Variants in CNOT8 observed in about 807,000 individuals in gnomAD.
CNOT8 encodes the protein CAF1-like protein.
Under a neutral mutation model 34.6 loss-of-function variants are expected in CNOT8, and 18 were observed. The observed-to-expected ratio is 0.52, with a 90% confidence interval of 0.36 to 0.77. The LOEUF is 0.77. CNOT8 is among the 30% of genes least tolerant of loss of function. CNOT8 has a pLI of 0.00. For synonymous variants in CNOT8, 101 were observed against 118.8 expected, an observed-to-expected ratio of 0.85 and a Z score of 0.98; for missense variants, 189 against 347.9, an observed-to-expected ratio of 0.54 and a Z score of 3.63.
chr5:154,864,537 CCTGT>C (rs1290381440), intron 2 of CNOT8, among the ~76,000 whole-genome samples: 2 of 151,896 alleles, frequency 1.3e-5, no homozygotes, highest in African/African-American at 4.8e-5. Flanking sequence ...TCAAGCTAAG[CCTGT>C]CTCTTTATAT....
intron 1 of CNOT8, among the ~76,000 whole-genome samples, chr5:154,860,847 T>A (rs1356292678): frequency 6.6e-6 from 1 of 152,196 alleles, no homozygotes; most frequent in Non-Finnish European, 1.5e-5. Flanking sequence ...GCCAGATATG[T>A]ATAACAGTGG....
At chr5:154,870,094 C>T (rs1762333609) in intron 3 of CNOT8, among the ~76,000 whole-genome samples, 1 of 152,138 alleles carries the variant, frequency 6.6e-6, no homozygotes, top group Non-Finnish European at 1.5e-5. Context: ...CTTGCTCTGT[C>T]ACCTAGACTA....
chr5:154,867,735 GCT>G, intron 3 of CNOT8: 3 of 254,400 alleles, frequency 1.2e-5, no homozygotes, highest in Non-Finnish European at 1.6e-5. Context: ...TGTTGCTTGA[GCT>G]AAAAGACATA....
chr5:154,863,484 C>T (rs1761554630), intron 2 of CNOT8, 89 bp downstream of exon 2: 1 of 899,990 alleles, frequency 1.1e-6, no homozygotes, highest in Non-Finnish European at 1.9e-6. Context: ...GGTGGCTATT[C>T]ACAGATGCAA....
At chr5:154,869,616 G>GGT (rs1762267017) in intron 3 of CNOT8, among the ~76,000 whole-genome samples, 1 of 121,668 alleles carries the variant, frequency 8.2e-6, no homozygotes, top group Admixed American at 8.9e-5. Flanking sequence ...GCTAATTTTT[G>GGT]TTTTTTTGTG....
At chr5:154,865,004 T>TG (rs1761730416) in intron 2 of CNOT8, among the ~76,000 whole-genome samples, 188 bp from the exon 3 acceptor site, 1 of 152,182 alleles carries the variant, frequency 6.6e-6, no homozygotes, top group African/African-American at 2.4e-5. Context: ...ATTGTGCCAC[T>TG]GCCCTCCAGC....
At chr5:154,874,470 G>C (rs112497929) in intron 6 of CNOT8, among the ~76,000 whole-genome samples, 2,038 of 152,036 alleles carry the variant, frequency 0.013, 18 homozygotes, top group Middle Eastern at 0.051. Flanking sequence ...CAGCTACTCG[G>C]GAGGCTGAGG....
intron 3 of CNOT8, chr5:154,867,594 CT>C: frequency 5.7e-6 from 1 of 175,172 alleles, no homozygotes. Flanking sequence ...CTATTTGCTA[CT>C]TTTTCATAGA....
At chr5:154,868,504 T>C (rs1331579597) in intron 3 of CNOT8, among the ~76,000 whole-genome samples, 2 of 152,084 alleles carry the variant, frequency 1.3e-5, no homozygotes, top group African/African-American at 4.8e-5. Context: ...ACCCTCGTGA[T>C]CCACCCACTC....
chr5:154,860,867 T>A (rs1761267136), intron 1 of CNOT8, among the ~76,000 whole-genome samples: 2 of 152,208 alleles, frequency 1.3e-5, no homozygotes, highest in African/African-American at 4.8e-5. Flanking sequence ...GTTAGCTTTT[T>A]AAAAACCAAT....
At chr5:154,859,604 C>T (rs982618016) in intron 1 of CNOT8, 1 of 152,186 alleles carries the variant, frequency 6.6e-6, no homozygotes, top group African/African-American at 2.4e-5. Flanking sequence ...TTGTTCAGTC[C>T]TCTAGAATAA....
At chr5:154,869,740 T>A (rs554528240) in intron 3 of CNOT8, among the ~76,000 whole-genome samples, 6 of 151,326 alleles carry the variant, frequency 4.0e-5, no homozygotes, top group African/African-American at 1.5e-4. Flanking sequence ...GTCTGCTGCC[T>A]CAGGCTCCCA....
Position 154,860,835 on chromosome 5 carries a change from A to G in CNOT8, c.-73+2067A>G, listed in dbSNP as rs566538943. ...TCTGGCTTCGGCAGTCCCCATATAT[A>G]TGCCAGATATGTATAACAGTGGTTA... is the stretch of plus-strand genomic sequence containing the variant. On this transcript the variant is annotated intron_variant, in intron 1 of 6. Coordinates refer to ENST00000285896, the MANE Select transcript of CNOT8 (RefSeq NM_001301073.2). 6.6e-5 allele frequency among the ~76,000 whole-genome samples: 10 copies of G among 152,276 alleles called. No homozygotes were observed. The South Asian group carries it at 1.0e-3, about 16-fold the overall frequency.
At chr5:154,859,225 G>A (rs1349818668) in intron 1 of CNOT8, 1 of 152,360 alleles carries the variant, frequency 6.6e-6, no homozygotes, top group Non-Finnish European at 1.5e-5. Context: ...AGGACTGAGT[G>A]TGATTTGAAG....
chr5:154,862,257 G>A (rs1761419218), intron 1 of CNOT8, among the ~76,000 whole-genome samples: 1 of 148,006 alleles, frequency 6.8e-6, no homozygotes, highest in African/African-American at 2.5e-5. Context: ...TGGATCACAA[G>A]GTCAGGGGTT....
intron 6 of CNOT8, among the ~76,000 whole-genome samples, chr5:154,874,319 G>A (rs745972008): frequency 2.0e-4 from 30 of 152,152 alleles, no homozygotes; most frequent in Admixed American, 3.9e-4. Context: ...GCTCACACCT[G>A]TAATCCCAGC....
At position 154,870,222 on chromosome 5, in the gene CNOT8, G is replaced by C. The variant is rs545778060; in HGVS notation, c.312-439G>C. Reference sequence around the variant, plus strand: ...CCATGCCTGGCTAATCTTTGTTTGTGTGTGTGTGTGTGTGTTGTTTTTTTT... The same window carrying C: ...CCATGCCTGGCTAATCTTTGTTTGTCTGTGTGTGTGTGTGTTGTTTTTTTT... On this transcript the variant is annotated intron_variant, in intron 3 of 6. Transcript: ENST00000285896. Among the ~76,000 whole-genome samples the C allele has an allele frequency of 1.4e-4, 20 of 147,680 alleles. No individual in the cohort carries two copies. In the East Asian group the frequency reaches 3.7e-3, roughly 27 times the overall value.
chr5:154,875,187 G>C (rs1389439077), intron 6 of CNOT8, 103 bp from the exon 7 acceptor site: 21 of 1,309,530 alleles, frequency 1.6e-5, no homozygotes, highest in Non-Finnish European at 2.2e-5. Context: ...AAAGTGCTTG[G>C]ATTCCAGACG....
In CNOT8 at chr5:154,858,724, C is replaced by G. The variant is rs1346626914; in HGVS notation, c.-117C>G. ...GGGAGTCAGCCCGCCAGCCCGCCAGCTCGTCAGCCCGCCAGCCAGCGCTTC... is the reference window on the plus strand; with the variant it reads ...GGGAGTCAGCCCGCCAGCCCGCCAGGTCGTCAGCCCGCCAGCCAGCGCTTC... On this transcript the variant is annotated 5_prime_UTR_variant, in exon 1 of 7. Transcript: ENST00000285896. 6.6e-6 allele frequency: 1 copy of G among 152,136 alleles called. No homozygotes were observed. The allele number at this position is 152,136 out of a possible 1,614,324, so 9.4% of individuals were successfully genotyped here.
Sources: allele counts gnomAD v4.1 joint callset (sites outside exome capture counted in the v4.1 genomes callset), GRCh38; gene constraint gnomAD v4.1.1; transcripts MANE v1.5; gene names NCBI Gene and HGNC (gene_info 2026-07-23, HGNC 2026-07-21).